Variants in GFRAL observed in about 807,000 individuals in gnomAD.
GFRAL encodes GDNF family receptor alpha like.
A neutral mutation model predicts 45.4 loss-of-function variants in GFRAL; 36 were observed. The observed-to-expected ratio is 0.79, with a 90% CI of 0.61 to 1.05. GFRAL has a LOEUF of 1.05. GFRAL is among the 50% of genes least tolerant of loss of function. GFRAL has a pLI of 0.00. For missense variants in GFRAL, 507 were observed against 467.5 expected, an observed-to-expected ratio of 1.08 and a Z score of -0.78; for synonymous variants, 166 against 154.1, an observed-to-expected ratio of 1.08 and a Z score of -0.57.
At chr6:55,391,666 C>T (rs571504519) in intron 6 of GFRAL, among the ~76,000 whole-genome samples, 7 of 152,148 alleles carry the variant, frequency 4.6e-5, no homozygotes, top group Non-Finnish European at 1.0e-4. Flanking sequence ...AGGAGGATTG[C>T]TTGAGCCCAG....
intron 3 of GFRAL, among the ~76,000 whole-genome samples, chr6:55,346,092 GGGACTGTAAACTA>G (rs1768037923): frequency 6.6e-6 from 1 of 152,180 alleles, no homozygotes; most frequent in Admixed American, 6.5e-5. Flanking sequence ...CACTGTTGGT[GGGACTGTAAACTA>G]GTTCAGCCAT....
intron 6 of GFRAL, among the ~76,000 whole-genome samples, chr6:55,369,298 G>C (rs1346334054): frequency 2.0e-5 from 3 of 152,022 alleles, no homozygotes; most frequent in Admixed American, 2.0e-4. Context: ...GCCCTGCTTC[G>C]GCTCACGCAA....
rs766041007 is a variant in GFRAL, at chr6:55,333,981, AAAAG to A, written c.316+42_316+45del. 1.2e-4 allele frequency: 150 copies of A among 1,260,308 alleles called. 1 individual carries two copies. In the South Asian group the frequency reaches 2.3e-3, roughly 19 times the overall value. The allele number at this position is 1,260,308 out of a possible 1,614,324, so 78.1% of individuals were successfully genotyped here. On this transcript the variant is annotated intron_variant, in intron 3 of 8. Transcript: ENST00000340465. ...TTTTAAGAAATGTTTATAGTCATGA[AAAAG>A]AAAGCAACAATTTCAAAATTAACCA...
At chr6:55,358,846 A>T (rs763925917) in intron 5 of GFRAL, 42 bp from the exon 6 acceptor site, 25 of 1,582,640 alleles carry the variant, frequency 1.6e-5, no homozygotes, top group Non-Finnish European at 2.2e-5. Flanking sequence ...ATGTGAAATA[A>T]CACTATTCAA....
intron 6 of GFRAL, among the ~76,000 whole-genome samples, chr6:55,369,097 C>T (rs1010206764): frequency 6.6e-6 from 1 of 151,306 alleles, no homozygotes; most frequent in Non-Finnish European, 1.5e-5. Context: ...CAGCGAGACT[C>T]CGTGGGCGTA....
chr6:55,376,296 C>A (rs1768533780), intron 6 of GFRAL, among the ~76,000 whole-genome samples: 1 of 152,046 alleles, frequency 6.6e-6, no homozygotes, highest in South Asian at 2.1e-4. Flanking sequence ...CGATGTTCAT[C>A]AAGAATATTG....
chr6:55,329,858 A>G (rs760344047), intron 1 of GFRAL, among the ~76,000 whole-genome samples: 25 of 152,208 alleles, frequency 1.6e-4, no homozygotes, highest in South Asian at 6.2e-4. Flanking sequence ...TTAAAAAAAA[A>G]AGAGAGATTT....
chr6:55,393,344 T>A (rs944515727), intron 6 of GFRAL, among the ~76,000 whole-genome samples: 13 of 152,358 alleles, frequency 8.5e-5, no homozygotes, highest in Non-Finnish European at 8.8e-5. Flanking sequence ...ATGGGATCTT[T>A]TGTTTGCCTA....
chr6:55,385,461 TAACTA>T (rs1768667249), intron 6 of GFRAL, among the ~76,000 whole-genome samples: 1 of 152,076 alleles, frequency 6.6e-6, no homozygotes, highest in South Asian at 2.1e-4. Context: ...TTATGTGGCT[TAACTA>T]ATTTAATTTT....
intron 6 of GFRAL, among the ~76,000 whole-genome samples, chr6:55,361,082 G>C (rs6935572): frequency 0.16 from 24,706 of 151,886 alleles, 2,297 homozygotes; most frequent in African/African-American, 0.25. Context: ...ATTTAAAATT[G>C]TGTAAATATT....
intron 8 of GFRAL, among the ~76,000 whole-genome samples, chr6:55,400,919 C>T (rs1403620369): frequency 6.6e-6 from 1 of 152,180 alleles, no homozygotes. Flanking sequence ...TAATGGTTCT[C>T]AATCTTTACT....
intron 7 of GFRAL, 22 bp downstream of exon 7, chr6:55,399,297 T>A: frequency 6.7e-7 from 1 of 1,501,282 alleles, no homozygotes; most frequent in Non-Finnish European, 9.2e-7. Flanking sequence ...ATCAATCCTC[T>A]ATAATATTTA....
At chr6:55,347,033 C>G (rs1481899554) in intron 3 of GFRAL, among the ~76,000 whole-genome samples, 1 of 151,826 alleles carries the variant, frequency 6.6e-6, no homozygotes, top group Non-Finnish European at 1.5e-5. Context: ...AGATAAACCA[C>G]TCAGTAAAAT....
chr6:55,359,174 C>CTATT, intron 6 of GFRAL, 36 bp downstream of exon 6: 1 of 1,542,198 alleles, frequency 6.5e-7, no homozygotes, highest in Non-Finnish European at 8.9e-7. Context: ...GTCTATCTAT[C>CTATT]TATCTATCTA....
intron 3 of GFRAL, among the ~76,000 whole-genome samples, chr6:55,345,224 C>T (rs1342719549): frequency 6.6e-6 from 1 of 152,114 alleles, no homozygotes; most frequent in Non-Finnish European, 1.5e-5. Flanking sequence ...AAAAAAGGGC[C>T]CGCATTGCCA....
chr6:55,337,401 C>T (rs12210212), intron 3 of GFRAL, among the ~76,000 whole-genome samples: 38,220 of 151,980 alleles, frequency 0.25, 5,196 homozygotes, highest in Middle Eastern at 0.45. Context: ...GGTTTGGTAT[C>T]TAAGTTATGC....
At position 55,341,727 on chromosome 6, in the gene GFRAL, G is replaced by A. The variant is rs540150965; in HGVS notation, c.316+7783G>A. Among the ~76,000 whole-genome samples, 4 of 152,262 alleles carry A rather than the reference G, an allele frequency of 2.6e-5. No individual in the cohort carries two copies. In the East Asian group the frequency reaches 7.7e-4, roughly 29 times the overall value. ...GTTTCAGATGATCAAACTTCTCTGA[G>A]CTAAAGGAGGATGTTCGAACCCATT... On this transcript the variant is annotated intron_variant, in intron 3 of 8. Transcript: ENST00000340465.
At chr6:55,389,768 T>C (rs1768724433) in intron 6 of GFRAL, among the ~76,000 whole-genome samples, 2 of 152,320 alleles carry the variant, frequency 1.3e-5, no homozygotes, top group East Asian at 1.9e-4. Context: ...CTAATTCTCA[T>C]TATGTATTTG....
chr6:55,347,334 C>A (rs1343386363), intron 3 of GFRAL, among the ~76,000 whole-genome samples: 1 of 151,960 alleles, frequency 6.6e-6, no homozygotes, highest in East Asian at 1.9e-4. Flanking sequence ...GTCTAGAAGT[C>A]GATCATTGGT....
Sources: gnomAD v4.1 joint callset for allele counts (sites outside exome capture counted in the v4.1 genomes callset) on GRCh38, gnomAD v4.1.1 for gene constraint, MANE v1.5 for transcripts, NCBI Gene and HGNC (gene_info 2026-07-23, HGNC 2026-07-21) for gene names.